Variants in CACNA1A observed in about 807,000 individuals in gnomAD.
CACNA1A encodes the protein voltage-dependent P/Q-type calcium channel subunit alpha-1A.
Under a neutral mutation model 262.4 loss-of-function variants are expected in CACNA1A, and 57 were observed. The observed-to-expected ratio is 0.22, with a 90% CI of 0.18 to 0.27. The LOEUF (loss-of-function observed/expected upper bound fraction) is 0.27. Ranked by LOEUF, CACNA1A falls within the 10% of genes least tolerant of loss-of-function variation. The pLI is 1.00. For missense variants in CACNA1A, 2,526 were observed against 3,562.8 expected, an observed-to-expected ratio of 0.71 and a Z score of 7.41; for synonymous variants, 1,431 against 1,419.3, an observed-to-expected ratio of 1.01 and a Z score of -0.18.
chr19:13,448,772 C>T (rs772481246), intron 3 of CACNA1A, among the ~76,000 whole-genome samples: 19 of 152,096 alleles, frequency 1.2e-4, no homozygotes, highest in Non-Finnish European at 2.6e-4. Context: ...GGAAACAATC[C>T]AAATAGATAA....
At chr19:13,498,743 A>C (rs1981987938) in intron 1 of CACNA1A, among the ~76,000 whole-genome samples, 1 of 152,180 alleles carries the variant, frequency 6.6e-6, no homozygotes, top group Admixed American at 6.5e-5. Flanking sequence ...TTCAGAGGGA[A>C]TAAGTAACTG....
At chr19:13,210,012 G>C (rs1166124776) in intron 44 of CACNA1A, among the ~76,000 whole-genome samples, 1 of 152,120 alleles carries the variant, frequency 6.6e-6, no homozygotes. Context: ...CCGGCTAACG[G>C]GGCTGTGCTC....
chr19:13,378,822 C>G (rs1365599390), intron 3 of CACNA1A, among the ~76,000 whole-genome samples: 3 of 151,880 alleles, frequency 2.0e-5, no homozygotes, highest in African/African-American at 7.3e-5. Flanking sequence ...TGTGCACCAC[C>G]ACACCCGGCT....
intron 1 of CACNA1A, among the ~76,000 whole-genome samples, chr19:13,490,663 GGAAA>G (rs1363151165): frequency 8.9e-4 from 107 of 119,998 alleles, no homozygotes; most frequent in African/African-American, 2.7e-3. Flanking sequence ...GGAGAAAGAA[GGAAA>G]GAAAGAGAGA....
intron 3 of CACNA1A, among the ~76,000 whole-genome samples, chr19:13,397,429 G>A (rs1222124173): frequency 6.6e-6 from 1 of 152,214 alleles, no homozygotes; most frequent in Non-Finnish European, 1.5e-5. Context: ...AAGGGTGGAA[G>A]AAGATAGGAA....
At chr19:13,361,322 G>A (rs1399206431) in intron 5 of CACNA1A, among the ~76,000 whole-genome samples, 2 of 152,206 alleles carry the variant, frequency 1.3e-5, no homozygotes, top group African/African-American at 4.8e-5. Context: ...GGAGGTGGCA[G>A]TCAGGCTGAA....
chr19:13,438,426 T>C (rs7257807), intron 3 of CACNA1A, among the ~76,000 whole-genome samples: 57,280 of 152,144 alleles, frequency 0.38, 14,627 homozygotes, highest in African/African-American at 0.71. Flanking sequence ...TAGAATCCCA[T>C]TGCTGCCACG....
intron 1 of CACNA1A, among the ~76,000 whole-genome samples, chr19:13,502,856 A>G (rs1176285981): frequency 6.6e-6 from 1 of 152,182 alleles, no homozygotes; most frequent in Non-Finnish European, 1.5e-5. Flanking sequence ...CAGAATTTAC[A>G]TTTGGAAGTA....
chr19:13,477,728 C>G (rs774352785), intron 1 of CACNA1A, among the ~76,000 whole-genome samples: 35 of 152,230 alleles, frequency 2.3e-4, no homozygotes, highest in Non-Finnish European at 4.0e-4. Flanking sequence ...CCTGCCCAAA[C>G]TCTCATCCAC....
At position 13,307,843 on chromosome 19, in the gene CACNA1A, T is replaced by A; in HGVS notation, c.1925A>T (p.Asp642Val). The A allele has an allele frequency of 6.2e-7, 1 of 1,613,876 alleles. No individual in the cohort carries two copies. Residue 642 changes from aspartate to valine, a missense_variant, in exon 15 of 47, where the codon GAT (aspartate) becomes GTT (valine). Coordinates refer to ENST00000360228, the MANE Select transcript of CACNA1A (RefSeq NM_001127222.2). ...GAAGTTGGTGGGAGGAGTCCCTTCATCGAAATTAAACCTGCAGGGAGGACA... is the reference window on the plus strand; with the variant it reads ...GAAGTTGGTGGGAGGAGTCCCTTCAACGAAATTAAACCTGCAGGGAGGACA... ...MQLFGGQFNF[D>V]EGTPPTNFDT...
rs146985034 is a variant in CACNA1A, at chr19:13,431,889, G to A, written c.539+20987C>T. ...TGGAAGCCCGAGGCAGGCAGATCAC[G>A]AGATCAAGAGATTGACACCATCCTG... On this transcript the variant is annotated intron_variant, in intron 3 of 46. Transcript: ENST00000360228. Among the ~76,000 whole-genome samples, 107 of 151,904 alleles carry A rather than the reference G, an allele frequency of 7.0e-4. No homozygotes were observed. In the East Asian group the frequency reaches 0.02, roughly 28 times the overall value.
chr19:13,207,270 G>A lies in CACNA1A; in HGVS notation c.*43C>T, dbSNP rs1158136240. The A allele has an allele frequency of 2.7e-6, 4 of 1,505,354 alleles. No homozygotes were observed. Among genetic ancestry groups the A allele is most frequent in the Non-Finnish European group, 3.5e-6 (4 of 1,131,384 alleles). 93.2% of individuals were successfully genotyped at this position (1,505,354 alleles called of 1,614,324 possible). A position where few individuals can be genotyped will look rare whatever the true frequency, so the allele number is the denominator to read the frequency against. On this transcript the variant is annotated 3_prime_UTR_variant, in exon 47 of 47. Coordinates refer to ENST00000360228, the MANE Select transcript of CACNA1A (RefSeq NM_001127222.2). This position sits in a 1 kb window ranked among gnomAD's most constrained non-coding sequence, Gnocchi z 5.7. ...GCGGCTCCTCGGGTGGGGTGTGTGCGTGGGGTGCGTGGGGGGCCGGGCGGG... is the reference window on the plus strand; with the variant it reads ...GCGGCTCCTCGGGTGGGGTGTGTGCATGGGGTGCGTGGGGGGCCGGGCGGG...
chr19:13,287,211 C>T (rs548391697), intron 19 of CACNA1A, among the ~76,000 whole-genome samples: 7 of 152,056 alleles, frequency 4.6e-5, no homozygotes, highest in South Asian at 2.1e-4. Context: ...AATTGACGGG[C>T]GTGGCGCTGT....
At chr19:13,488,046 C>G (rs919321677) in intron 1 of CACNA1A, among the ~76,000 whole-genome samples, 2 of 152,058 alleles carry the variant, frequency 1.3e-5, no homozygotes, top group African/African-American at 4.8e-5. Context: ...TCCCAAAGTG[C>G]TAGGATTATA....
intron 28 of CACNA1A, 83 bp from the exon 29 acceptor site, chr19:13,255,342 G>A (rs2056518022): frequency 9.0e-6 from 12 of 1,335,586 alleles, no homozygotes; most frequent in South Asian, 7.7e-5. Context: ...CTAACTCGTC[G>A]CGGTTCTCAA....
chr19:13,216,647 TTATCTATCTATC>T (rs71168686), intron 38 of CACNA1A, among the ~76,000 whole-genome samples: 2,757 of 149,314 alleles, frequency 0.018, 48 homozygotes, highest in Non-Finnish European at 0.022. Flanking sequence ...TTTTAAAAAT[TTATCTATCTATC>T]TATCTATCTA....
chr19:13,470,864 G>C (rs1021096414), intron 1 of CACNA1A, among the ~76,000 whole-genome samples: 2 of 152,192 alleles, frequency 1.3e-5, no homozygotes, highest in African/African-American at 4.8e-5. Flanking sequence ...TGTCTTCTTA[G>C]AGCATCTCAT....
intron 3 of CACNA1A, among the ~76,000 whole-genome samples, chr19:13,395,627 A>G (rs2059796435): frequency 6.6e-6 from 1 of 152,032 alleles, no homozygotes. Flanking sequence ...AAAGAAAAAA[A>G]AAAAAAAGAA....
chr19:13,347,014 C>A (rs540851822), intron 6 of CACNA1A, among the ~76,000 whole-genome samples: 32 of 147,912 alleles, frequency 2.2e-4, no homozygotes, highest in Admixed American at 1.3e-4. Flanking sequence ...ACATGTGATA[C>A]TTTAATGCAT....
Sources: gnomAD v4.1 joint callset for allele counts (sites outside exome capture counted in the v4.1 genomes callset) on GRCh38, gnomAD v4.1.1 for gene constraint, Gnocchi (gnomAD v3.1) non-coding constraint, MANE v1.5 for transcripts, NCBI Gene and HGNC (gene_info 2026-07-23, HGNC 2026-07-21) for gene names.